Variants in CCSER1 observed in about 807,000 individuals in gnomAD.
CCSER1 encodes serine-rich coiled-coil domain-containing protein 1.
In CCSER1, 41 loss-of-function variants were observed where a neutral mutation model predicts 82.0. The observed-to-expected ratio is 0.50, with a 90% CI of 0.39 to 0.65. The LOEUF is 0.65. Ranked by LOEUF, CCSER1 falls within the 30% of genes least tolerant of loss-of-function variation. The pLI is 0.00. For missense variants in CCSER1, 1,119 were observed against 1,064.2 expected (o/e 1.05, Z -0.72); for synonymous variants, 414 against 383.9 (o/e 1.08, Z -0.92).
intron 8 of CCSER1, among the ~76,000 whole-genome samples, chr4:90,827,765 A>G (rs1295125836): frequency 1.3e-5 from 2 of 152,138 alleles, no homozygotes; most frequent in Non-Finnish European, 2.9e-5. Flanking sequence ...TGAGAGTTTA[A>G]TAATTGAATC....
At chr4:90,362,412 A>G (rs949308533) in intron 3 of CCSER1, among the ~76,000 whole-genome samples, 1 of 152,208 alleles carries the variant, frequency 6.6e-6, no homozygotes, top group African/African-American at 2.4e-5. Context: ...TTTTTCATAT[A>G]TCACCACAAA....
At chr4:91,216,874 A>C (rs1019681578) in intron 10 of CCSER1, among the ~76,000 whole-genome samples, 1 of 152,194 alleles carries the variant, frequency 6.6e-6, no homozygotes, top group African/African-American at 2.4e-5. Flanking sequence ...ATTGTTTGGA[A>C]CACAAACAAT....
intron 4 of CCSER1, among the ~76,000 whole-genome samples, chr4:90,448,178 C>A (rs56397629): frequency 0.11 from 17,103 of 151,622 alleles, 1,361 homozygotes; most frequent in East Asian, 0.37. Flanking sequence ...CAGATTATAG[C>A]AATTTTAAGT....
chr4:91,129,670 G>A (rs942809226), intron 10 of CCSER1, among the ~76,000 whole-genome samples: 15 of 151,988 alleles, frequency 9.9e-5, no homozygotes, highest in African/African-American at 3.6e-4. Flanking sequence ...TCTTGGACAC[G>A]AAGAGTGGGA....
intron 10 of CCSER1, among the ~76,000 whole-genome samples, chr4:91,355,664 A>G (rs1030268874): frequency 1.3e-5 from 2 of 152,152 alleles, no homozygotes; most frequent in South Asian, 4.1e-4. Flanking sequence ...GAGTCCCACA[A>G]TGAGTTTTCT....
At chr4:90,357,292 C>T (rs1347955862) in intron 3 of CCSER1, among the ~76,000 whole-genome samples, 1 of 151,896 alleles carries the variant, frequency 6.6e-6, no homozygotes, top group East Asian at 1.9e-4. Context: ...TAATTCTGTG[C>T]AGTTAGTCTT....
intron 1 of CCSER1, among the ~76,000 whole-genome samples, chr4:90,257,390 G>C (rs2153446514): frequency 6.6e-6 from 1 of 152,122 alleles, no homozygotes; most frequent in African/African-American, 2.4e-5. Context: ...GTTTAAGGGA[G>C]CAAAAAATAT....
At chr4:91,243,610 G>A (rs543943668) in intron 10 of CCSER1, among the ~76,000 whole-genome samples, 6 of 152,174 alleles carry the variant, frequency 3.9e-5, no homozygotes, top group Non-Finnish European at 8.8e-5. Context: ...GGTAGAATAG[G>A]GAGGCCCCCA....
chr4:90,444,959 G>T (rs1040162339), intron 4 of CCSER1, among the ~76,000 whole-genome samples: 6 of 151,890 alleles, frequency 4.0e-5, no homozygotes, highest in Admixed American at 1.3e-4. Flanking sequence ...TTCCAAAATG[G>T]TATTTACTGA....
At chr4:90,927,257 C>A (rs1729180606) in intron 9 of CCSER1, among the ~76,000 whole-genome samples, 1 of 151,944 alleles carries the variant, frequency 6.6e-6, no homozygotes, top group Admixed American at 6.6e-5. Context: ...TTAAAAATTT[C>A]TCTGAGCCAC....
chr4:91,438,560 C>A (rs960304291), intron 10 of CCSER1, among the ~76,000 whole-genome samples: 30 of 152,182 alleles, frequency 2.0e-4, no homozygotes, highest in African/African-American at 7.2e-4. Flanking sequence ...ACTGGATACT[C>A]TAAAAAGCAG....
chr4:90,782,304 CAGT>C (rs1454293731), intron 7 of CCSER1, among the ~76,000 whole-genome samples: 2 of 152,126 alleles, frequency 1.3e-5, no homozygotes, highest in African/African-American at 2.4e-5. Flanking sequence ...AATTAGAAGA[CAGT>C]AGATCACTCA....
At chr4:91,456,134 A>T (rs1411817932) in intron 10 of CCSER1, among the ~76,000 whole-genome samples, 1 of 152,056 alleles carries the variant, frequency 6.6e-6, no homozygotes, top group Non-Finnish European at 1.5e-5. Flanking sequence ...CAGCCTGGTC[A>T]GTTCCTGGAG....
At chr4:90,370,282 G>A (rs1451552514) in intron 3 of CCSER1, 1 of 152,026 alleles carries the variant, frequency 6.6e-6, no homozygotes, top group East Asian at 1.9e-4. Flanking sequence ...TTCCCACATA[G>A]AGGAGTATGT....
At chr4:90,921,936 CAATAT>C (rs1368490106) in intron 8 of CCSER1, among the ~76,000 whole-genome samples, 1 of 152,024 alleles carries the variant, frequency 6.6e-6, no homozygotes, top group Non-Finnish European at 1.5e-5. Context: ...TCATCCCAAT[CAATAT>C]GTCTAGATAA....
intron 10 of CCSER1, among the ~76,000 whole-genome samples, chr4:91,175,791 G>A (rs1237127657): frequency 6.6e-6 from 1 of 152,116 alleles, no homozygotes; most frequent in Admixed American, 6.6e-5. Flanking sequence ...TCACTCTGAT[G>A]GTGGTTTCTT....
chr4:91,387,594 T>C (rs1474957969), intron 10 of CCSER1, among the ~76,000 whole-genome samples: 2 of 152,106 alleles, frequency 1.3e-5, no homozygotes, highest in Non-Finnish European at 2.9e-5. Context: ...GAGTAAGATT[T>C]CCTTGAGGCT....
At chr4:90,649,006 T>G (rs1444651225) in intron 6 of CCSER1, among the ~76,000 whole-genome samples, 1 of 152,216 alleles carries the variant, frequency 6.6e-6, no homozygotes, top group Non-Finnish European at 1.5e-5. Flanking sequence ...TGCATGGCGA[T>G]AAGGCTTGAC....
intron 10 of CCSER1, among the ~76,000 whole-genome samples, chr4:91,241,558 C>T (rs1315026305): frequency 6.7e-6 from 1 of 148,716 alleles, no homozygotes; most frequent in African/African-American, 2.4e-5. Flanking sequence ...GATCTCCTGA[C>T]CTCTTGATCC....
Sources: gnomAD v4.1 joint callset for allele counts (sites outside exome capture counted in the v4.1 genomes callset) on GRCh38, gnomAD v4.1.1 for gene constraint, MANE v1.5 for transcripts, NCBI Gene and HGNC (gene_info 2026-07-23, HGNC 2026-07-21) for gene names.